Variants in SMARCC1 observed in about 807,000 individuals in gnomAD.
SMARCC1 encodes SWI/SNF complex subunit SMARCC1.
Under a neutral mutation model 147.4 loss-of-function variants are expected in SMARCC1, and 43 were observed. The observed-to-expected ratio is 0.29, with a 90% CI of 0.23 to 0.38. The LOEUF (loss-of-function observed/expected upper bound fraction) is 0.38, where lower values mean the gene tolerates loss of function less well. SMARCC1 is among the 10% of genes least tolerant of loss of function. SMARCC1 has a pLI of 1.00. For synonymous variants in SMARCC1, 495 were observed against 484.4 expected, an observed-to-expected ratio of 1.02 and a Z score of -0.29; for missense variants, 1,119 against 1,381.1, an observed-to-expected ratio of 0.81 and a Z score of 3.01.
intron 26 of SMARCC1, among the ~76,000 whole-genome samples, chr3:47,607,312 A>G (rs1347158751): frequency 6.6e-6 from 1 of 152,192 alleles, no homozygotes; most frequent in Non-Finnish European, 1.5e-5. Context: ...AAGCTTCCCA[A>G]AGTAAACTTA....
chr3:47,697,636 AT>A (rs1300285876), intron 11 of SMARCC1, among the ~76,000 whole-genome samples: 153 of 151,488 alleles, frequency 1.0e-3, no homozygotes, highest in Admixed American at 2.1e-3. Context: ...AAAAAAAAAA[AT>A]TCCAAACTCA....
intron 21 of SMARCC1, among the ~76,000 whole-genome samples, chr3:47,642,592 A>C (rs1223703022): frequency 2.0e-5 from 3 of 150,364 alleles, no homozygotes; most frequent in Non-Finnish European, 3.0e-5. Context: ...TTTGTCCCAA[A>C]AACAACAACA....
At chr3:47,772,081 A>C (rs528148592) in intron 2 of SMARCC1, among the ~76,000 whole-genome samples, 1 of 151,394 alleles carries the variant, frequency 6.6e-6, no homozygotes, top group Non-Finnish European at 1.5e-5. Context: ...AAATAAATTA[A>C]TTAAATAAAA....
At chr3:47,665,989 T>C (rs940335595) in intron 19 of SMARCC1, among the ~76,000 whole-genome samples, 2 of 152,150 alleles carry the variant, frequency 1.3e-5, no homozygotes, top group African/African-American at 4.8e-5. Flanking sequence ...TTCATCCTTC[T>C]CCACGCTGCT....
intron 13 of SMARCC1, 45 bp from the exon 14 acceptor site, chr3:47,686,215 G>A (rs2033721588): frequency 6.6e-7 from 1 of 1,506,318 alleles, no homozygotes; most frequent in South Asian, 1.1e-5. Flanking sequence ...GAACTACAGA[G>A]AGAGATATAT....
chr3:47,777,559 G>A (rs1346067785), intron 1 of SMARCC1, among the ~76,000 whole-genome samples: 2 of 151,840 alleles, frequency 1.3e-5, no homozygotes, highest in Admixed American at 6.6e-5. Flanking sequence ...AGACACTTTC[G>A]CTCTGTAGCC....
At position 47,706,231 on chromosome 3, in the gene SMARCC1, C is replaced by A. The variant is rs886334729; in HGVS notation, c.1040+178G>T. On this transcript the variant is annotated intron_variant, in intron 10 of 27. Coordinates refer to ENST00000254480, the MANE Select transcript of SMARCC1 (RefSeq NM_003074.4). Reference sequence around the variant, plus strand: ...GGATGACAGGCGTGCACCACCGTGCCCAGCTAATTTTTATATTTTTAGTAG... The same window carrying A: ...GGATGACAGGCGTGCACCACCGTGCACAGCTAATTTTTATATTTTTAGTAG... Among the ~76,000 whole-genome samples the A allele has an allele frequency of 3.9e-5, 6 of 152,114 alleles. No individual in the cohort carries two copies. In the East Asian group the frequency reaches 1.2e-3, roughly 29 times the overall value.
chr3:47,729,045 T>C lies in SMARCC1; in HGVS notation c.626A>G (p.Tyr209Cys). 1 of 1,611,044 alleles carries C rather than the reference T, an allele frequency of 6.2e-7. No homozygotes were observed. Among genetic ancestry groups the C allele is most frequent in the Non-Finnish European group, 8.5e-7 (1 of 1,177,790 alleles). ...KSKASHHIYPYSSSQDDEEWL... is the reference protein window; with the variant it reads ...KSKASHHIYPCSSSQDDEEWL... Reference sequence around the variant, plus strand: ...CTTACCATCGTCTTGTGAGGAAGAATATGGGTAAATGTGGTGGGAAGCTTT... The same window carrying C: ...CTTACCATCGTCTTGTGAGGAAGAACATGGGTAAATGTGGTGGGAAGCTTT... The change falls in exon 6 of 28, where the codon TAT becomes TGT. Residue 209 changes from tyrosine to cysteine, a missense_variant. This residue lies in a region of SMARCC1 where 542 missense variants were observed against 611.8 expected (regional missense o/e 0.89). Coordinates refer to ENST00000254480, the MANE Select transcript of SMARCC1 (RefSeq NM_003074.4).
intron 21 of SMARCC1, among the ~76,000 whole-genome samples, chr3:47,651,605 A>G (rs1248489717): frequency 1.3e-5 from 2 of 152,184 alleles, no homozygotes; most frequent in Non-Finnish European, 2.9e-5. Flanking sequence ...TCTTTGCTCA[A>G]AAGTCACTTT....
In SMARCC1 at chr3:47,613,353, A is replaced by G. The variant is rs2032589069; in HGVS notation, c.2782-3026T>C. Among the ~76,000 whole-genome samples, 2 of 152,076 alleles carry G rather than the reference A, an allele frequency of 1.3e-5. 1 individual carries two copies. On this transcript the variant is annotated intron_variant, in intron 25 of 27. Transcript: ENST00000254480. ...CAAACTATTAACAGTGATCATCCAT[A>G]GAAATGAAACTGGAAGTAGGAGAAC... is the stretch of plus-strand genomic sequence containing the variant.
intron 2 of SMARCC1, among the ~76,000 whole-genome samples, chr3:47,763,062 T>A (rs1360033917): frequency 5.7e-5 from 1 of 17,504 alleles, no homozygotes; most frequent in Non-Finnish European, 2.6e-4. Flanking sequence ...CGAGACTCCA[T>A]CTCAAAAAAA....
At chr3:47,633,793 C>T (rs572897041) in intron 24 of SMARCC1, among the ~76,000 whole-genome samples, 2 of 28,800 alleles carry the variant, frequency 6.9e-5, no homozygotes, top group South Asian at 9.9e-4. Flanking sequence ...CACACACACA[C>T]ACACACACAC....
chr3:47,637,631 GAACTC>G (rs1369124382), intron 22 of SMARCC1, among the ~76,000 whole-genome samples: 1 of 151,786 alleles, frequency 6.6e-6, no homozygotes, highest in Non-Finnish European at 1.5e-5. Flanking sequence ...AGAATTGCTT[GAACTC>G]AGAAAACGGA....
chr3:47,696,884 G>A (rs111738687), intron 11 of SMARCC1, among the ~76,000 whole-genome samples: 63 of 151,916 alleles, frequency 4.1e-4, no homozygotes, highest in African/African-American at 1.4e-3. Flanking sequence ...TTTTTGAATC[G>A]GGGTCTCACT....
In SMARCC1 at chr3:47,635,162, C is replaced by T. The variant is rs561442867; in HGVS notation, c.2646+28G>A. The T allele has an allele frequency of 1.9e-5, 30 of 1,604,914 alleles. No individual in the cohort carries two copies. In the East Asian group the frequency reaches 6.0e-4, roughly 32 times the overall value. ...TACGACCATTCATGCCTTAAGAGAG[C>T]ACTGGAAAAGGGCTGTCAGGGGCAA... is the stretch of plus-strand genomic sequence containing the variant. On this transcript the variant is annotated intron_variant, in intron 24 of 27. Coordinates refer to ENST00000254480, the MANE Select transcript of SMARCC1 (RefSeq NM_003074.4).
At chr3:47,637,702 ACT>A (rs1256940151) in intron 22 of SMARCC1, among the ~76,000 whole-genome samples, 1 of 122,240 alleles carries the variant, frequency 8.2e-6, no homozygotes, top group Non-Finnish European at 1.8e-5. Flanking sequence ...ACAGAGTGAG[ACT>A]CTGTCTCAAA....
At chr3:47,780,158 GT>G (rs1251165275) in intron 1 of SMARCC1, among the ~76,000 whole-genome samples, 1 of 51,566 alleles carries the variant, frequency 1.9e-5, no homozygotes, top group Non-Finnish European at 3.9e-5. Flanking sequence ...TGGGTCTTTG[GT>G]TTTTTTTTGT....
chr3:47,779,732 T>C (rs2035018419), intron 1 of SMARCC1, among the ~76,000 whole-genome samples: 1 of 152,174 alleles, frequency 6.6e-6, no homozygotes. Flanking sequence ...CACTGAACAG[T>C]GCGGAGAGGT....
At chr3:47,763,097 T>C (rs945165710) in intron 2 of SMARCC1, among the ~76,000 whole-genome samples, 1 of 151,036 alleles carries the variant, frequency 6.6e-6, no homozygotes, top group Non-Finnish European at 1.5e-5. Context: ...CGTTGAATGA[T>C]AGTTCCCTTA....
Sources: gnomAD v4.1 joint callset for allele counts (sites outside exome capture counted in the v4.1 genomes callset) on GRCh38, gnomAD v4.1.1 for gene constraint, gnomAD v4.1.1 regional missense constraint, MANE v1.5 for transcripts, NCBI Gene and HGNC (gene_info 2026-07-23, HGNC 2026-07-21) for gene names.